ATN1: variants seen among roughly 807,000 people sequenced by gnomAD.
ATN1 encodes atrophin 1.
A neutral mutation model predicts 85.8 loss-of-function variants in ATN1; 19 were observed. The ratio of observed to expected loss-of-function variants is 0.22; its 90% CI spans 0.15 to 0.32. The LOEUF (loss-of-function observed/expected upper bound fraction) is 0.32, where lower values mean the gene tolerates loss of function less well. Among genes scored for constraint, ATN1 ranks in the 10% least tolerant of loss-of-function variants. The pLI is 1.00. For missense variants in ATN1, 1,453 were observed against 1,564.5 expected (o/e 0.93, Z 1.20); for synonymous variants, 674 against 657.0 (o/e 1.03, Z -0.39).
chr12:6,933,706 G>A (rs781813394), intron 1 of ATN1, 134 bp from the exon 2 acceptor site: 2 of 514,870 alleles, frequency 3.9e-6, no homozygotes, highest in East Asian at 6.6e-5. Context: ...TGCCAGCAAT[G>A]TCTTGTGGTA....
upstream of ATN1, among the ~76,000 whole-genome samples, chr12:6,925,168 GC>G (rs1945388009): frequency 6.6e-6 from 1 of 151,360 alleles, no homozygotes; most frequent in Admixed American, 6.6e-5. Context: ...GATGTCCCCT[GC>G]AGCTGGACTA....
intron 6 of ATN1, 32 bp downstream of exon 6, chr12:6,938,099 C>G: frequency 6.6e-7 from 1 of 1,520,740 alleles, no homozygotes; most frequent in Non-Finnish European, 8.8e-7. Flanking sequence ...CCACCGCCTT[C>G]TTTCCCTCTT....
chr12:6,925,513 CG>C (rs1945391366), upstream of ATN1, among the ~76,000 whole-genome samples: 2 of 151,876 alleles, frequency 1.3e-5, no homozygotes, highest in South Asian at 4.2e-4. Context: ...GGAAGGGAGT[CG>C]GGGTGCACAG....
chr12:6,941,450 A>G lies in ATN1; in HGVS notation c.3435A>G (p.Ala1145=). The G allele has an allele frequency of 1.2e-6, 2 of 1,612,782 alleles. No homozygotes were observed. Among genetic ancestry groups the G allele is most frequent in the African/African-American group, 2.7e-5 (2 of 75,010 alleles). ...CTCATCAGCTGCAGGCCATGCACGC[A>G]CAGTCAGCTGAGCTGCAGCGCTTGG... ...SAAHQLQAMH[A]QSAELQRLAL... is the part of the protein sequence containing the mutation. Residue 1145 remains alanine, a synonymous_variant, in exon 9 of 10, where the codon GCA becomes GCG. Coordinates refer to ENST00000396684, the MANE Select transcript of ATN1 (RefSeq NM_001940.4). This position sits in a 1 kb window ranked among gnomAD's most constrained non-coding sequence, Gnocchi z 5.9.
Position 6,939,047 on chromosome 12 carries a change from A to G in ATN1, c.3084A>G (p.Ala1028=). 6.2e-7 allele frequency: 1 copy of G among 1,607,450 alleles called. No homozygotes were observed. The highest frequency in any genetic ancestry group is 8.5e-7 in the Non-Finnish European group (1 of 1,179,970). ...GGCTGGCAGCTGAGAGGCAGCACGC[A>G]GAAAGGGTGGCGGCCCTGGGCAATG... is the stretch of plus-strand genomic sequence containing the variant. ...AERLAAERQH[A]ERVAALGNDP... Residue 1028 remains alanine, a synonymous_variant, in exon 7 of 10, where the codon GCA becomes GCG. Transcript: ENST00000396684.
At chr12:6,924,920 G>A (rs1434664993), upstream of ATN1, among the ~76,000 whole-genome samples, 2 of 152,036 alleles carry the variant, frequency 1.3e-5, no homozygotes, top group African/African-American at 2.4e-5. Flanking sequence ...TCACCAGGTC[G>A]CCTTCTCTGA....
At position 6,935,229 on chromosome 12, in the gene ATN1, G is replaced by A. The variant is rs1555143416; in HGVS notation, c.280-318G>A. Among the ~76,000 whole-genome samples the A allele has an allele frequency of 6.6e-6, 1 of 152,186 alleles. No homozygotes were observed. The highest frequency in any genetic ancestry group is 2.4e-5 in the African/African-American group (1 of 41,446). On this transcript the variant is annotated intron_variant, in intron 4 of 9. Transcript: ENST00000396684. This position sits in a 1 kb window ranked among gnomAD's most constrained non-coding sequence, Gnocchi z 5.3. Reference sequence around the variant, plus strand: ...CCAAGGGCTTGGGGGATGGAGGATGGTTAAAGTGGTGGTTATGAGATGGTG... The same window carrying A: ...CCAAGGGCTTGGGGGATGGAGGATGATTAAAGTGGTGGTTATGAGATGGTG...
rs1299180171 is a variant in ATN1 at position 6,934,977 on chromosome 12, G to A, written c.279+399G>A. On this transcript the variant is annotated intron_variant, in intron 4 of 9. Coordinates refer to ENST00000396684, the MANE Select transcript of ATN1 (RefSeq NM_001940.4). This position sits in a 1 kb window ranked among gnomAD's most constrained non-coding sequence, Gnocchi z 4.5. ...ACAATCTCAGCTCATTGCAACCTCCGCCTCCTGGGTTCAAACAATTGTGCC... is the reference window on the plus strand; with the variant it reads ...ACAATCTCAGCTCATTGCAACCTCCACCTCCTGGGTTCAAACAATTGTGCC... 6.6e-6 allele frequency among the ~76,000 whole-genome samples: 1 copy of A among 152,014 alleles called. No homozygotes were observed. The highest frequency in any genetic ancestry group is 1.5e-5 in the Non-Finnish European group (1 of 68,004).
chr12:6,925,704 GA>G (rs1945392921), upstream of ATN1, among the ~76,000 whole-genome samples: 1 of 152,212 alleles, frequency 6.6e-6, no homozygotes, highest in African/African-American at 2.4e-5. Flanking sequence ...TAGAGCTTTT[GA>G]GTATTCCCAG....
Position 6,936,823 on chromosome 12 carries a change from T to C in ATN1, c.1556T>C (p.Leu519Pro), listed in dbSNP as rs782402665. The C allele has an allele frequency of 4.3e-6, 7 of 1,613,342 alleles. No homozygotes were observed. The African/African-American group carries it at 6.7e-5, about 15-fold the overall frequency. ...CCTCCTGGAGCATTTCCCCACCCAC[T>C]GGAGGGCGGTAGCTCCCACCACGCA... ...PPPPGAFPHP[L>P]EGGSSHHAHP... The change falls in exon 5 of 10, where the codon CTG becomes CCG. Residue 519 changes from leucine to proline, a missense_variant. Coordinates refer to ENST00000396684, the MANE Select transcript of ATN1 (RefSeq NM_001940.4).
In ATN1 at chr12:6,938,396, G is replaced by C. The variant is rs1455762212; in HGVS notation, c.2518-85G>C. 1.2e-5 allele frequency: 18 copies of C among 1,466,288 alleles called. No individual in the cohort carries two copies. In the African/African-American group the frequency reaches 2.6e-4, roughly 21 times the overall value. 90.8% of individuals were successfully genotyped at this position (1,466,288 alleles called of 1,614,324 possible). On this transcript the variant is annotated intron_variant, in intron 6 of 9. Coordinates refer to ENST00000396684, the MANE Select transcript of ATN1 (RefSeq NM_001940.4). Reference sequence around the variant, plus strand: ...ATGAGTTGAGGCATTTTGGCATTCGGCTGTCGAAACAAATGGGCAGCTTAA... The same window carrying C: ...ATGAGTTGAGGCATTTTGGCATTCGCCTGTCGAAACAAATGGGCAGCTTAA...
At position 6,938,041 on chromosome 12, in the gene ATN1, AAGG is replaced by A; in HGVS notation, c.2494_2496del (p.Glu832del). ...ACGCGAGAAAGAGCGCGAGCGCGAGAAGGAGCGCGAGCTTGAACGCAGCGTGGT... is the reference window on the plus strand; with the variant it reads ...ACGCGAGAAAGAGCGCGAGCGCGAGAAGCGCGAGCTTGAACGCAGCGTGGT... On this transcript the variant is annotated inframe_deletion, in exon 6 of 10. Coordinates refer to ENST00000396684, the MANE Select transcript of ATN1 (RefSeq NM_001940.4). 1.9e-6 allele frequency: 3 copies of A among 1,546,038 alleles called. No individual in the cohort carries two copies. The highest frequency in any genetic ancestry group is 1.7e-6 in the Non-Finnish European group (2 of 1,146,046).
Position 6,937,275 on chromosome 12 carries a change from C to T in ATN1, c.2008C>T (p.Pro670Ser), listed in dbSNP as rs1945558959. The T allele has an allele frequency of 1.9e-6, 3 of 1,607,870 alleles. No individual in the cohort carries two copies. The highest frequency in any genetic ancestry group is 2.5e-6 in the Non-Finnish European group (3 of 1,178,100). Residue 670 changes from proline (P) to serine (S), a missense_variant, in exon 5 of 10, where the codon CCA becomes TCA. Transcript: ENST00000396684. This position sits in a 1 kb window ranked among gnomAD's most constrained non-coding sequence, Gnocchi z 6.0. ...GCCTCCCTCCTTCCGAACGGGGACC[C>T]CACCGGGCTATCGAGGAACCTCGCC... Reference protein sequence around the residue: ...GSPPSFRTGTPPGYRGTSPPA... With the variant: ...GSPPSFRTGTSPGYRGTSPPA...
rs1414408337 is a variant in ATN1, at chr12:6,938,665, A to G, written c.2702A>G (p.Asn901Ser). The G allele has an allele frequency of 5.6e-6, 9 of 1,614,162 alleles. No individual in the cohort carries two copies. The highest frequency in any genetic ancestry group is 1.7e-5 in the Admixed American group (1 of 60,032). ...CATGTCATGTCTCCTGGCAATCGCA[A>G]CCATCCATTCTACGTGCCCCTGGGG... ...RPHVMSPGNR[N>S]HPFYVPLGAV... Residue 901 changes from asparagine (N) to serine (S), a missense_variant, in exon 7 of 10, where the codon AAC becomes AGC. Physicochemically the swap from Asn to Ser is conservative, Grantham distance 46. Coordinates refer to ENST00000396684, the MANE Select transcript of ATN1 (RefSeq NM_001940.4).
Position 6,941,882 on chromosome 12 carries a change from T to G in ATN1, c.*102T>G. On this transcript the variant is annotated 3_prime_UTR_variant, in exon 10 of 10. Coordinates refer to ENST00000396684, the MANE Select transcript of ATN1 (RefSeq NM_001940.4). The surrounding 1 kb of genome is among the most constrained non-coding windows in gnomAD (Gnocchi z 5.9). ...GGCCTGCCACCCAGAGCCAAGAGGG[T>G]GCTGCTCAGTTGCAGGGCCTCCGCA... 8.2e-7 allele frequency: 1 copy of G among 1,226,772 alleles called. No homozygotes were observed. The highest frequency in any genetic ancestry group is 1.2e-6 in the Non-Finnish European group (1 of 834,292). 76.0% of individuals were successfully genotyped at this position (1,226,772 alleles called of 1,614,324 possible). A position where few individuals can be genotyped will look rare whatever the true frequency, so the allele number is the denominator to read the frequency against.
At chr12:6,940,612 T>C (rs2138222287) in intron 7 of ATN1, among the ~76,000 whole-genome samples, 1 of 152,250 alleles carries the variant, frequency 6.6e-6, no homozygotes, top group South Asian at 2.1e-4. Flanking sequence ...TCCACCTTCT[T>C]CACGCAGTCT....
At chr12:6,925,227 G>A (rs1455787244), upstream of ATN1, among the ~76,000 whole-genome samples, 1 of 151,830 alleles carries the variant, frequency 6.6e-6, no homozygotes, top group East Asian at 1.9e-4. Flanking sequence ...GTAGACAATG[G>A]TTTCTTTTGT....
In ATN1 at chr12:6,935,162, A is replaced by G. The variant is rs1440888268; in HGVS notation, c.280-385A>G. Reference sequence around the variant, plus strand: ...TTCAGCTTCCCAAAGTGCTGGGATTACAGGTGTAAGCCTCTGTGCCCGGCC... The same window carrying G: ...TTCAGCTTCCCAAAGTGCTGGGATTGCAGGTGTAAGCCTCTGTGCCCGGCC... On this transcript the variant is annotated intron_variant, in intron 4 of 9. Transcript: ENST00000396684. The surrounding 1 kb of genome is among the most constrained non-coding windows in gnomAD (Gnocchi z 5.3). 6.6e-6 allele frequency among the ~76,000 whole-genome samples: 1 copy of G among 152,198 alleles called. No homozygotes were observed. Among genetic ancestry groups the G allele is most frequent in the Non-Finnish European group, 1.5e-5 (1 of 68,028 alleles).
chr12:6,928,774 A>G (rs1343223901), intron 1 of ATN1, among the ~76,000 whole-genome samples: 2 of 152,132 alleles, frequency 1.3e-5, no homozygotes, highest in African/African-American at 4.8e-5. Context: ...GGCAGAATGG[A>G]TAGGAGAGAT....
Sources: allele counts gnomAD v4.1 joint callset (sites outside exome capture counted in the v4.1 genomes callset), GRCh38; gene constraint gnomAD v4.1.1; non-coding constraint Gnocchi (gnomAD v3.1); transcripts MANE v1.5; gene names NCBI Gene and HGNC (gene_info 2026-07-23, HGNC 2026-07-21).